Variants in SH3BP4 observed in about 807,000 individuals in gnomAD.
SH3BP4 encodes SH3 domain-binding protein 4.
A neutral mutation model predicts 65.5 loss-of-function variants in SH3BP4; 33 were observed. The observed-to-expected ratio is 0.50, with a 90% CI of 0.38 to 0.67. The LOEUF is 0.67. Among genes scored for constraint, SH3BP4 ranks in the 30% least tolerant of loss-of-function variants. SH3BP4 has a pLI of 0.00. For missense variants in SH3BP4, 1,134 were observed against 1,261.4 expected (o/e 0.90, Z 1.53); for synonymous variants, 552 against 545.5 (o/e 1.01, Z -0.17).
chr2:235,039,384 A>C (rs1695561526), intron 3 of SH3BP4, among the ~76,000 whole-genome samples: 1 of 152,172 alleles, frequency 6.6e-6, no homozygotes, highest in Non-Finnish European at 1.5e-5. Context: ...GCAATTTGAT[A>C]GAATACGATG....
chr2:234,994,357 T>A lies in SH3BP4; in HGVS notation c.-206-946T>A, dbSNP rs142423965. Among the ~76,000 whole-genome samples the A allele has an allele frequency of 7.4e-4, 112 of 152,330 alleles. 1 individual carries two copies. The highest frequency in any genetic ancestry group is 2.6e-3 in the African/African-American group (109 of 41,582). On this transcript the variant is annotated intron_variant, in intron 1 of 5. Coordinates refer to ENST00000392011, the MANE Select transcript of SH3BP4 (RefSeq NM_014521.3). ...GGTCTGTTCTGGGCTGTCTGGTTCC[T>A]GCAGAGGATGAGTGGCCATGATTGA...
At position 235,035,433 on chromosome 2, in the gene SH3BP4, A is replaced by G. The variant is rs553976084; in HGVS notation, c.118+313A>G. 6.6e-6 allele frequency among the ~76,000 whole-genome samples: 1 copy of G among 152,214 alleles called. No individual in the cohort carries two copies. The highest frequency in any genetic ancestry group is 1.5e-5 in the Non-Finnish European group (1 of 68,042). ...CAGGGGAACAGAGAGTGTGGCAAGT[A>G]GATGAAATATTGAGAACCACTAGAG... On this transcript the variant is annotated intron_variant, in intron 3 of 5. Transcript: ENST00000392011. The surrounding 1 kb of genome is among the most constrained non-coding windows in gnomAD (Gnocchi z 5.0).
At chr2:234,962,487 A>G (rs551656259) in intron 1 of SH3BP4, among the ~76,000 whole-genome samples, 1 of 152,260 alleles carries the variant, frequency 6.6e-6, no homozygotes, top group Admixed American at 6.5e-5. Context: ...CTGCTTATGT[A>G]TTTTAAATTA....
At chr2:235,044,145 T>C (rs1307607736) in intron 4 of SH3BP4, among the ~76,000 whole-genome samples, 2 of 152,264 alleles carry the variant, frequency 1.3e-5, no homozygotes, top group Non-Finnish European at 2.9e-5. Flanking sequence ...CTTTGCTTCC[T>C]TGAAGCTTCT....
At chr2:235,032,839 G>A (rs542031439) in intron 2 of SH3BP4, among the ~76,000 whole-genome samples, 12 of 152,286 alleles carry the variant, frequency 7.9e-5, no homozygotes, top group South Asian at 6.2e-4. Flanking sequence ...GGTCCAGGGC[G>A]TCCGGGGTTC....
intron 1 of SH3BP4, among the ~76,000 whole-genome samples, chr2:234,960,891 T>C (rs1250351435): frequency 6.6e-6 from 1 of 152,192 alleles, no homozygotes; most frequent in Admixed American, 6.5e-5. Context: ...TCTTCTTACA[T>C]TGTTTTTTGT....
At chr2:234,958,462 G>A (rs1472970266) in intron 1 of SH3BP4, among the ~76,000 whole-genome samples, 1 of 152,088 alleles carries the variant, frequency 6.6e-6, no homozygotes, top group Non-Finnish European at 1.5e-5. Flanking sequence ...CTGCTGGCCA[G>A]AGGAGGGCTG....
intron 3 of SH3BP4, 45 bp from the exon 4 acceptor site, chr2:235,040,843 C>T (rs756785994): frequency 1.9e-5 from 30 of 1,556,966 alleles, no homozygotes; most frequent in Admixed American, 1.2e-4. Flanking sequence ...CCGGACACCC[C>T]GCCGGCCTTG....
chr2:235,046,628 T>A lies in SH3BP4; in HGVS notation c.2478+3381T>A, dbSNP rs1461471038. Among the ~76,000 whole-genome samples the A allele has an allele frequency of 6.6e-6, 1 of 152,146 alleles. No homozygotes were observed. The highest frequency in any genetic ancestry group is 1.5e-5 in the Non-Finnish European group (1 of 68,022). Reference sequence around the variant, plus strand: ...TTTGTTTATGTTCTTGTGCACTTGTTTCTCATTATTACTCTAACTGAACAT... The same window carrying A: ...TTTGTTTATGTTCTTGTGCACTTGTATCTCATTATTACTCTAACTGAACAT... On this transcript the variant is annotated intron_variant, in intron 4 of 5. Coordinates refer to ENST00000392011, the MANE Select transcript of SH3BP4 (RefSeq NM_014521.3). The surrounding 1 kb of genome is among the most constrained non-coding windows in gnomAD (Gnocchi z 4.2).
chr2:235,000,859 T>C (rs1031420415), intron 2 of SH3BP4, among the ~76,000 whole-genome samples: 1 of 152,236 alleles, frequency 6.6e-6, no homozygotes, highest in Admixed American at 6.5e-5. Context: ...TTCTGCCTTT[T>C]TCTGCACTGG....
chr2:235,038,304 T>TA (rs373656417), intron 3 of SH3BP4, among the ~76,000 whole-genome samples: 1,903 of 13,502 alleles, frequency 0.14, 241 homozygotes, highest in African/African-American at 0.39. Flanking sequence ...ATATATTATA[T>TA]ATATATATTA....
rs1358706769 is a variant in SH3BP4 at position 235,054,858 on chromosome 2, C to G, written c.*1042C>G. ...TTATGCTGATGTGCAGAGGTGCCAG[C>G]TGCCATTTGCCAAACTCTGCATTTC... is the stretch of plus-strand genomic sequence containing the variant. On this transcript the variant is annotated 3_prime_UTR_variant, in exon 6 of 6. Transcript: ENST00000392011. 4 of 152,240 alleles carry G rather than the reference C, an allele frequency of 2.6e-5. No individual in the cohort carries two copies. The highest frequency in any genetic ancestry group is 2.0e-4 in the Admixed American group (3 of 15,288). The allele number at this position is 152,240 out of a possible 1,614,324, so 9.4% of individuals were successfully genotyped here.
At chr2:234,972,502 A>T (rs1693031488) in intron 1 of SH3BP4, among the ~76,000 whole-genome samples, 1 of 151,730 alleles carries the variant, frequency 6.6e-6, no homozygotes, top group South Asian at 2.1e-4. Flanking sequence ...AGGCAGGAGG[A>T]TCGCTTGAGC....
In SH3BP4 at chr2:235,008,998, C is replaced by T. The variant is rs116662789; in HGVS notation, c.-133+13622C>T. Among the ~76,000 whole-genome samples the T allele has an allele frequency of 7.4e-3, 1,130 of 152,290 alleles. 10 individuals carry two copies. Among genetic ancestry groups the T allele is most frequent in the African/African-American group, 0.024 (981 of 41,560 alleles). On this transcript the variant is annotated intron_variant, in intron 2 of 5. Coordinates refer to ENST00000392011, the MANE Select transcript of SH3BP4 (RefSeq NM_014521.3). Reference sequence around the variant, plus strand: ...GACATTTGCCCAAGGGACAGGTGGACGGACAGCTTGTGTTCTCTGGGATTG... The same window carrying T: ...GACATTTGCCCAAGGGACAGGTGGATGGACAGCTTGTGTTCTCTGGGATTG...
chr2:234,984,022 G>A (rs1055275367), intron 1 of SH3BP4, among the ~76,000 whole-genome samples: 3 of 152,198 alleles, frequency 2.0e-5, no homozygotes, highest in African/African-American at 4.8e-5. Context: ...GGCTTTGAGG[G>A]AGTTACGTTT....
At chr2:234,994,445 C>T (rs1693849862) in intron 1 of SH3BP4, 1 of 152,096 alleles carries the variant, frequency 6.6e-6, no homozygotes, top group East Asian at 1.9e-4. Flanking sequence ...TCCTGGATTC[C>T]TCTGAAGGCC....
At position 235,033,949 on chromosome 2, in the gene SH3BP4, G is replaced by A. The variant is rs557018463; in HGVS notation, c.-132-922G>A. Among the ~76,000 whole-genome samples the A allele has an allele frequency of 5.3e-5, 8 of 152,322 alleles. No individual in the cohort carries two copies. The East Asian group carries it at 1.2e-3, about 22-fold the overall frequency. ...TATGTGCCCAGTTATATAGGGGTGAGATTTGCCTGCTCAGAGCTCTAAGTA... is the reference window on the plus strand; with the variant it reads ...TATGTGCCCAGTTATATAGGGGTGAAATTTGCCTGCTCAGAGCTCTAAGTA... On this transcript the variant is annotated intron_variant, in intron 2 of 5. Transcript: ENST00000392011. This position sits in a 1 kb window ranked among gnomAD's most constrained non-coding sequence, Gnocchi z 5.7.
In SH3BP4 at chr2:235,054,184, A is replaced by T. The variant is rs1696155981; in HGVS notation, c.*368A>T. 1 of 203,422 alleles carries T rather than the reference A, an allele frequency of 4.9e-6. No individual in the cohort carries two copies. The highest frequency in any genetic ancestry group is 2.3e-5 in the African/African-American group (1 of 43,732). The allele number at this position is 203,422 out of a possible 1,614,324, so 12.6% of individuals were successfully genotyped here. On this transcript the variant is annotated 3_prime_UTR_variant, in exon 6 of 6. Transcript: ENST00000392011. ...AGGCTGTTGAGGTTTTTATGTTGTT[A>T]TAGACCTTTTTAAATTATGTTAGAG...
Position 235,042,567 on chromosome 2 carries a change from A to T in SH3BP4, c.1798A>T (p.Ile600Phe). The change falls in exon 4 of 6, where the codon ATC becomes TTC. Residue 600 changes from isoleucine to phenylalanine, a missense_variant. By Grantham distance (21) the Ile-to-Phe change is conservative. Transcript: ENST00000392011. The surrounding 1 kb of genome is among the most constrained non-coding windows in gnomAD (Gnocchi z 7.3). The part of the protein sequence containing the change: ...RVQVKDDQEA[I>F]LTQFCVQTPQ... ...TCAGGTGAAGGACGACCAGGAGGCC[A>T]TCCTCACCCAGTTTTGTGTCCAGAC... 1 of 1,614,114 alleles carries T rather than the reference A, an allele frequency of 6.2e-7. No individual in the cohort carries two copies. The highest frequency in any genetic ancestry group is 8.5e-7 in the Non-Finnish European group (1 of 1,180,020).
Sources: gnomAD v4.1 joint callset for allele counts (sites outside exome capture counted in the v4.1 genomes callset) on GRCh38, gnomAD v4.1.1 for gene constraint, Gnocchi (gnomAD v3.1) non-coding constraint, MANE v1.5 for transcripts, NCBI Gene and HGNC (gene_info 2026-07-23, HGNC 2026-07-21) for gene names.